The following STPG2 variants were observed in gnomAD, a reference collection of about 807,000 sequenced individuals.
STPG2 encodes sperm tail PG-rich repeat containing 2, also known as sperm-tail PG-rich repeat-containing protein 2.
A neutral mutation model predicts 54.2 loss-of-function variants in STPG2; 56 were observed. The observed-to-expected ratio is 1.03, with a 90% CI of 0.83 to 1.29. The LOEUF is 1.29. Ranked by LOEUF, STPG2 falls within the 50% of genes most tolerant of loss-of-function variation. STPG2 has a pLI of 0.00. For missense variants in STPG2, 596 were observed against 544.9 expected (o/e 1.09, Z -0.93); for synonymous variants, 200 against 181.8 (o/e 1.10, Z -0.81).
chr4:98,094,457 T>C (rs141162701), intron 5 of STPG2, among the ~76,000 whole-genome samples: 41 of 152,288 alleles, frequency 2.7e-4, no homozygotes, highest in African/African-American at 9.4e-4. Flanking sequence ...GAAAGACTCA[T>C]TCTGTTTTTA....
At chr4:97,590,989 C>T (rs145652385) in intron 10 of STPG2, among the ~76,000 whole-genome samples, 177 of 152,190 alleles carry the variant, frequency 1.2e-3, no homozygotes, top group African/African-American at 4.1e-3. Flanking sequence ...GAAGTGAATT[C>T]TTCACTAAAC....
At chr4:97,441,388 A>G (rs1250313161) in intron 4 of STPG2, 1 of 152,032 alleles carries the variant, frequency 6.6e-6, no homozygotes, top group Non-Finnish European at 1.5e-5. Flanking sequence ...ATATTATATA[A>G]GAACGTATTT....
At chr4:97,542,194 G>A (rs1731726408) in intron 4 of STPG2, among the ~76,000 whole-genome samples, 1 of 152,136 alleles carries the variant, frequency 6.6e-6, no homozygotes, top group Non-Finnish European at 1.5e-5. Context: ...CTTACAGAAT[G>A]GGAGAAAATT....
intron 9 of STPG2, among the ~76,000 whole-genome samples, chr4:97,742,167 G>A (rs1290014140): frequency 6.6e-6 from 1 of 151,788 alleles, no homozygotes; most frequent in Non-Finnish European, 1.5e-5. Flanking sequence ...TGAACAATGA[G>A]AACACATGGA....
intron 5 of STPG2, among the ~76,000 whole-genome samples, chr4:98,080,036 C>T (rs775452130): frequency 3.2e-4 from 49 of 151,984 alleles, no homozygotes; most frequent in Non-Finnish European, 6.6e-4. Context: ...ATATGTATTA[C>T]ATTATACCTA....
At chr4:97,482,745 G>A (rs1460688558) in intron 4 of STPG2, among the ~76,000 whole-genome samples, 2 of 151,422 alleles carry the variant, frequency 1.3e-5, no homozygotes, top group Non-Finnish European at 3.0e-5. Context: ...CATCACCTAG[G>A]TACACTGTCA....
At chr4:98,019,312 A>C (rs1402786566) in intron 5 of STPG2, among the ~76,000 whole-genome samples, 1 of 152,172 alleles carries the variant, frequency 6.6e-6, no homozygotes, top group Non-Finnish European at 1.5e-5. Context: ...GGTTTGTCAA[A>C]GATCAGGTAG....
At chr4:98,104,694 A>C (rs1739139817) in intron 5 of STPG2, among the ~76,000 whole-genome samples, 1 of 152,202 alleles carries the variant, frequency 6.6e-6, no homozygotes, top group African/African-American at 2.4e-5. Flanking sequence ...ATTACATTTA[A>C]TAATAAACAA....
intron 10 of STPG2, among the ~76,000 whole-genome samples, chr4:97,560,793 G>C (rs183071141): frequency 6.6e-6 from 1 of 152,246 alleles, no homozygotes; most frequent in Admixed American, 6.5e-5. Flanking sequence ...ATTCTCAGAA[G>C]GTGACAACAT....
intron 9 of STPG2, among the ~76,000 whole-genome samples, chr4:97,826,121 C>A (rs1268579585): frequency 6.6e-6 from 1 of 152,140 alleles, no homozygotes; most frequent in African/African-American, 2.4e-5. Context: ...AGGCTCCACA[C>A]CTGGTACATA....
At chr4:97,923,549 C>T (rs994837741) in intron 8 of STPG2, among the ~76,000 whole-genome samples, 3 of 152,228 alleles carry the variant, frequency 2.0e-5, no homozygotes, top group African/African-American at 4.8e-5. Flanking sequence ...CACCAATTGG[C>T]ACTCTGTATC....
At chr4:97,755,944 T>C (rs112600940) in intron 9 of STPG2, among the ~76,000 whole-genome samples, 1,888 of 151,972 alleles carry the variant, frequency 0.012, 34 homozygotes, top group African/African-American at 0.043. Context: ...GTCAGAGGAG[T>C]GACAAAAAGC....
chr4:98,032,414 T>C (rs1262824865), intron 5 of STPG2, among the ~76,000 whole-genome samples: 1 of 151,556 alleles, frequency 6.6e-6, no homozygotes, highest in Non-Finnish European at 1.5e-5. Context: ...TATGAAAAAA[T>C]AAAAAATTTT....
chr4:97,906,943 T>C (rs1274314008), intron 8 of STPG2, among the ~76,000 whole-genome samples: 1 of 151,254 alleles, frequency 6.6e-6, no homozygotes, highest in Non-Finnish European at 1.5e-5. Flanking sequence ...AGCATTCCCT[T>C]TGAAAACTGG....
chr4:97,680,536 C>T (rs996842840), intron 10 of STPG2, among the ~76,000 whole-genome samples: 1 of 152,016 alleles, frequency 6.6e-6, no homozygotes, highest in Non-Finnish European at 1.5e-5. Flanking sequence ...TGGGCTGAGA[C>T]AATGGGGTTT....
chr4:97,571,454 TA>T (rs1396912876), intron 10 of STPG2, among the ~76,000 whole-genome samples: 1 of 152,140 alleles, frequency 6.6e-6, no homozygotes, highest in Non-Finnish European at 1.5e-5. Flanking sequence ...TTAAATCTGA[TA>T]AGGAACATTT....
At chr4:97,772,568 T>C (rs1282236516) in intron 9 of STPG2, among the ~76,000 whole-genome samples, 1 of 152,196 alleles carries the variant, frequency 6.6e-6, no homozygotes, top group African/African-American at 2.4e-5. Flanking sequence ...GCTTACATTG[T>C]AATTTTTGTA....
At chr4:97,943,702 A>G (rs190410217) in intron 8 of STPG2, among the ~76,000 whole-genome samples, 195 bp downstream of exon 8, 1 of 152,324 alleles carries the variant, frequency 6.6e-6, no homozygotes, top group African/African-American at 2.4e-5. Context: ...ATAATCTCTC[A>G]TATAGCAATT....
At chr4:97,648,126 G>C (rs570514204) in intron 10 of STPG2, among the ~76,000 whole-genome samples, 1 of 152,242 alleles carries the variant, frequency 6.6e-6, no homozygotes, top group East Asian at 1.9e-4. Context: ...GGAAGGCTGG[G>C]TGGCAAAGGC....
Sources: allele counts gnomAD v4.1 joint callset (sites outside exome capture counted in the v4.1 genomes callset), GRCh38; gene constraint gnomAD v4.1.1; transcripts MANE v1.5; gene names NCBI Gene and HGNC (gene_info 2026-07-23, HGNC 2026-07-21).